PROX1: variants seen among roughly 807,000 people sequenced by gnomAD.
The protein encoded by PROX1 is prospero homeobox protein 1.
In PROX1, 7 loss-of-function variants were observed where a neutral mutation model predicts 58.8. The ratio of observed to expected loss-of-function variants is 0.12; its 90% CI spans 0.07 to 0.22. The LOEUF (loss-of-function observed/expected upper bound fraction) is 0.22, where lower values mean the gene tolerates loss of function less well. Among genes scored for constraint, PROX1 ranks in the 10% least tolerant of loss-of-function variants. PROX1 has a pLI of 1.00. For missense variants in PROX1, 675 were observed against 927.8 expected (o/e 0.73, Z 3.54); for synonymous variants, 350 against 358.3 (o/e 0.98, Z 0.26).
At chr1:214,017,686 AC>A (rs536943825) in intron 4 of PROX1, among the ~76,000 whole-genome samples, 11 of 149,530 alleles carry the variant, frequency 7.4e-5, no homozygotes, top group African/African-American at 2.5e-4. Flanking sequence ...CACCTCCCGC[AC>A]CCCCCCACAA....
At chr1:214,032,968 A>C (rs1664708857) in intron 4 of PROX1, among the ~76,000 whole-genome samples, 1 of 152,188 alleles carries the variant, frequency 6.6e-6, no homozygotes, top group Admixed American at 6.5e-5. Context: ...CCCCCAAAGA[A>C]GTTGCCTTGT....
chr1:214,018,307 A>G (rs1178137856), intron 4 of PROX1, among the ~76,000 whole-genome samples: 4 of 152,354 alleles, frequency 2.6e-5, no homozygotes, highest in East Asian at 3.9e-4. Context: ...TTAATTTACA[A>G]TAATACAGTT....
chr1:214,031,952 A>G (rs1234804682), intron 4 of PROX1, among the ~76,000 whole-genome samples: 5 of 152,108 alleles, frequency 3.3e-5, no homozygotes, highest in African/African-American at 9.7e-5. Context: ...TCAGTATCTC[A>G]TTACAACTTT....
intron 3 of PROX1, 65 bp downstream of exon 3, chr1:214,005,337 G>A (rs938453692): frequency 3.6e-5 from 43 of 1,204,924 alleles, no homozygotes; most frequent in African/African-American, 1.5e-4. Context: ...TTGAACTCCC[G>A]GAAGTTAATG....
Position 214,005,257 on chromosome 1 carries a change from C to T in PROX1, c.1818C>T (p.Tyr606=), listed in dbSNP as rs1254804087. The change falls in exon 3 of 5, where the codon TAC becomes TAT. Residue 606 remains tyrosine (Y), a synonymous_variant. Coordinates refer to ENST00000366958, the MANE Select transcript of PROX1 (RefSeq NM_001270616.2). The stretch of plus-strand genomic sequence containing the variant: ...CCAGCTCCAATATGCTGAAGACCTA[C>T]TTCTCCGACGTAAAGGTAGGGACTT... ...RYPSSNMLKT[Y]FSDVKFNRCI... 1.2e-6 allele frequency: 2 copies of T among 1,612,358 alleles called. No individual in the cohort carries two copies. The highest frequency in any genetic ancestry group is 1.1e-5 in the South Asian group (1 of 90,938).
chr1:214,031,163 G>A (rs1404254487), intron 4 of PROX1, among the ~76,000 whole-genome samples: 2 of 152,122 alleles, frequency 1.3e-5, no homozygotes, highest in South Asian at 4.1e-4. Context: ...TTTCATGGAA[G>A]CCCAGAAGGC....
At position 214,039,413 on chromosome 1, in the gene PROX1, A is replaced by G. The variant is rs1310541496; in HGVS notation, c.*3579A>G. ...ATGTTTGCAGAATCTTTGTCACTGT[A>G]CTAGGGATGTGGGTGAATATCATTT... On this transcript the variant is annotated 3_prime_UTR_variant, in exon 5 of 5. Coordinates refer to ENST00000366958, the MANE Select transcript of PROX1 (RefSeq NM_001270616.2). The G allele has an allele frequency of 2.6e-5, 4 of 152,176 alleles. No individual in the cohort carries two copies. Among genetic ancestry groups the G allele is most frequent in the African/African-American group, 9.7e-5 (4 of 41,436 alleles). The allele number at this position is 152,176 out of a possible 1,614,324, so 9.4% of individuals were successfully genotyped here.
In PROX1 at chr1:214,005,966, G is replaced by A. The variant is rs1370219133; in HGVS notation, c.1833+694G>A. On this transcript the variant is annotated intron_variant, in intron 3 of 4. Coordinates refer to ENST00000366958, the MANE Select transcript of PROX1 (RefSeq NM_001270616.2). Reference sequence around the variant, plus strand: ...TGCGTGTGTGTGTGTGTGTGTGTATGTGTCTGTGTCTGTGTGTGGGTTTTA... The same window carrying A: ...TGCGTGTGTGTGTGTGTGTGTGTATATGTCTGTGTCTGTGTGTGGGTTTTA... Among the ~76,000 whole-genome samples, 4 of 151,824 alleles carry A rather than the reference G, an allele frequency of 2.6e-5. No individual in the cohort carries two copies. The East Asian group carries it at 7.7e-4, about 29-fold the overall frequency.
At chr1:214,027,161 G>C (rs1358510018) in intron 4 of PROX1, among the ~76,000 whole-genome samples, 1 of 152,058 alleles carries the variant, frequency 6.6e-6, no homozygotes, top group Admixed American at 6.6e-5. Context: ...TGGGGCTATT[G>C]GGTGGCTCAT....
chr1:214,023,291 T>C (rs6686424), intron 4 of PROX1, among the ~76,000 whole-genome samples: 14,302 of 152,092 alleles, frequency 0.094, 1,651 homozygotes, highest in African/African-American at 0.27. Flanking sequence ...ATGCATTAAC[T>C]TCTATATAAT....
chr1:214,032,525 C>G (rs1050073352), intron 4 of PROX1, among the ~76,000 whole-genome samples: 5 of 152,106 alleles, frequency 3.3e-5, no homozygotes, highest in Non-Finnish European at 7.3e-5. Context: ...CTCCCAGTAG[C>G]TGGGACCACA....
At chr1:214,005,381 T>A in intron 3 of PROX1, 109 bp downstream of exon 3, 1 of 800,588 alleles carries the variant, frequency 1.2e-6, no homozygotes, top group Non-Finnish European at 2.0e-6. Context: ...TTCCTACACC[T>A]GTGTTATAAT....
chr1:214,014,029 G>A (rs192279783), intron 4 of PROX1, among the ~76,000 whole-genome samples: 3 of 152,198 alleles, frequency 2.0e-5, no homozygotes, highest in East Asian at 1.9e-4. Context: ...TCACGAAATC[G>A]TTTTTCTTTT....
rs901399322 is a variant in PROX1, at chr1:214,040,759, GTT to G, written c.*4927_*4928del. 1.3e-5 allele frequency: 2 copies of G among 151,762 alleles called. No homozygotes were observed. The highest frequency in any genetic ancestry group is 2.4e-5 in the African/African-American group (1 of 41,326). The allele number at this position is 151,762 out of a possible 1,614,324, so 9.4% of individuals were successfully genotyped here. The stretch of plus-strand genomic sequence containing the variant: ...CTGATAAAGTCAATTTTTGATTTTT[GTT>G]TGTTTTTTTTAGCTAGAGGCAATTT... On this transcript the variant is annotated 3_prime_UTR_variant, in exon 5 of 5. Coordinates refer to ENST00000366958, the MANE Select transcript of PROX1 (RefSeq NM_001270616.2).
At chr1:214,012,496 A>G (rs1462030894) in intron 4 of PROX1, among the ~76,000 whole-genome samples, 2 of 152,192 alleles carry the variant, frequency 1.3e-5, no homozygotes, top group Admixed American at 6.5e-5. Flanking sequence ...TTTATGGGCT[A>G]ATGTGGTGCC....
chr1:213,991,837 T>A (rs1183135842), intron 1 of PROX1, among the ~76,000 whole-genome samples: 1 of 152,224 alleles, frequency 6.6e-6, no homozygotes, highest in African/African-American at 2.4e-5. Context: ...TAAGAAGTTT[T>A]AGGTTTCAGA....
intron 4 of PROX1, among the ~76,000 whole-genome samples, chr1:214,034,367 T>G (rs898333201): frequency 1.3e-5 from 2 of 152,238 alleles, no homozygotes; most frequent in Non-Finnish European, 1.5e-5. Context: ...GTCTTTCATC[T>G]CTTGTATATG....
At chr1:214,034,193 G>A (rs1236043471) in intron 4 of PROX1, among the ~76,000 whole-genome samples, 1 of 152,152 alleles carries the variant, frequency 6.6e-6, no homozygotes, top group Non-Finnish European at 1.5e-5. Context: ...TTTTAAACGT[G>A]AAAAACAGTG....
At chr1:214,032,893 A>C (rs528274210) in intron 4 of PROX1, among the ~76,000 whole-genome samples, 7 of 152,190 alleles carry the variant, frequency 4.6e-5, no homozygotes, top group Admixed American at 4.6e-4. Context: ...ACAGATTAAA[A>C]CCCACTAAAA....
Sources: gnomAD v4.1 joint callset for allele counts (sites outside exome capture counted in the v4.1 genomes callset) on GRCh38, gnomAD v4.1.1 for gene constraint, MANE v1.5 for transcripts, NCBI Gene and HGNC (gene_info 2026-07-23, HGNC 2026-07-21) for gene names.